Variants in SFRP4 observed in about 807,000 individuals in gnomAD.
SFRP4 encodes secreted frizzled related protein 4.
A neutral mutation model predicts 36.3 loss-of-function variants in SFRP4; 25 were observed. The ratio of observed to expected loss-of-function variants is 0.69; its 90% CI spans 0.50 to 0.96. The LOEUF (loss-of-function observed/expected upper bound fraction) is 0.96, where lower values mean the gene tolerates loss of function less well. SFRP4 is among the 40% of genes least tolerant of loss of function. The probability of loss-of-function intolerance (pLI) is 0.00; values close to 1 mark genes in which losing one functional copy is unlikely to be tolerated. For missense variants in SFRP4, 487 were observed against 459.6 expected (o/e 1.06, Z -0.54); for synonymous variants, 182 against 168.8 (o/e 1.08, Z -0.60).
At chr7:37,909,936 A>C in intron 4 of SFRP4, 1 of 248,504 alleles carries the variant, frequency 4.0e-6, no homozygotes, top group Admixed American at 5.5e-5. Flanking sequence ...TTTCTGATGT[A>C]ATTAGAGTAA....
rs747377478 is a variant in SFRP4 at position 37,916,525 on chromosome 7, T to G, written c.13A>C (p.Ile5Leu). 2 of 1,608,952 alleles carry G rather than the reference T, an allele frequency of 1.2e-6. No homozygotes were observed. Among genetic ancestry groups the G allele is most frequent in the South Asian group, 2.2e-5 (2 of 91,000 alleles). Residue 5 changes from isoleucine to leucine, a missense_variant, in exon 1 of 6, where the codon ATC becomes CTC. Coordinates refer to ENST00000436072, the MANE Select transcript of SFRP4 (RefSeq NM_003014.4). The surrounding 1 kb of genome is among the most constrained non-coding windows in gnomAD (Gnocchi z 4.1). MFLS[I>L]LVALCLWLHL... ...AGCCACAGGCACAGCGCCACTAGGATGGAGAGGAACATGGCACTGCCCTCT... is the reference window on the plus strand; with the variant it reads ...AGCCACAGGCACAGCGCCACTAGGAGGGAGAGGAACATGGCACTGCCCTCT...
rs774199837 is a variant in SFRP4 at position 37,916,545 on chromosome 7, C to A, written c.-8G>T. 6.3e-7 allele frequency: 1 copy of A among 1,597,850 alleles called. No individual in the cohort carries two copies. Among genetic ancestry groups the A allele is most frequent in the South Asian group, 1.1e-5 (1 of 90,828 alleles). On this transcript the variant is annotated 5_prime_UTR_variant, in exon 1 of 6. Coordinates refer to ENST00000436072, the MANE Select transcript of SFRP4 (RefSeq NM_003014.4). This position sits in a 1 kb window ranked among gnomAD's most constrained non-coding sequence, Gnocchi z 4.1. ...TAGGATGGAGAGGAACATGGCACTG[C>A]CCTCTCGCGCTGCGACCCCGGCAGA...
chr7:37,915,395 TG>T (rs1785557896), intron 1 of SFRP4, among the ~76,000 whole-genome samples: 1 of 152,226 alleles, frequency 6.6e-6, no homozygotes, highest in Non-Finnish European at 1.5e-5. Flanking sequence ...TGGGGTAACC[TG>T]GGCCAGATAA....
In SFRP4 at chr7:37,907,423, T is replaced by C. The variant is rs1583652760; in HGVS notation, c.*56A>G. 9.4e-6 allele frequency: 14 copies of C among 1,496,934 alleles called. No individual in the cohort carries two copies. In the East Asian group the frequency reaches 2.0e-4, roughly 22 times the overall value. The allele number at this position is 1,496,934 out of a possible 1,614,324, so 92.7% of individuals were successfully genotyped here. A position where few individuals can be genotyped will look rare whatever the true frequency, so the allele number is the denominator to read the frequency against. ...GCCTTACATAGGCTGTCCCAGGCAA[T>C]GCCCAGCCTCATCCTGTAAGGAAGT... is the stretch of plus-strand genomic sequence containing the variant. On this transcript the variant is annotated 3_prime_UTR_variant, in exon 6 of 6. Transcript: ENST00000436072.
Position 37,906,937 on chromosome 7 carries a change from C to T in SFRP4, c.*542G>A, listed in dbSNP as rs1048719394. 7.2e-5 allele frequency: 11 copies of T among 152,090 alleles called. No individual in the cohort carries two copies. Among genetic ancestry groups the T allele is most frequent in the African/African-American group, 2.7e-4 (11 of 41,422 alleles). 9.4% of individuals were successfully genotyped at this position (152,090 alleles called of 1,614,324 possible). On this transcript the variant is annotated 3_prime_UTR_variant, in exon 6 of 6. Transcript: ENST00000436072. ...TACTTCTCTAGATTTTTCAAAAAAT[C>T]CCCTTTCATCACAAAAATCCTTCTG... is the stretch of plus-strand genomic sequence containing the variant.
At chr7:37,909,730 G>T in intron 4 of SFRP4, 50 bp from the exon 5 acceptor site, 1 of 1,041,968 alleles carries the variant, frequency 9.6e-7, no homozygotes, top group Non-Finnish European at 1.5e-6. Context: ...AAAGTAAACA[G>T]CTAAAAATAC....
intron 4 of SFRP4, among the ~76,000 whole-genome samples, chr7:37,911,487 CA>C (rs201798095): frequency 1.3e-5 from 2 of 151,396 alleles, no homozygotes; most frequent in Admixed American, 6.6e-5. Context: ...TACCAATATC[CA>C]AAAAAAATAA....
At chr7:37,907,923 G>A (rs1003570406) in intron 5 of SFRP4, among the ~76,000 whole-genome samples, 1 of 152,098 alleles carries the variant, frequency 6.6e-6, no homozygotes, top group Admixed American at 6.6e-5. Context: ...CAGGAAACAA[G>A]CCCAAAGAGG....
chr7:37,906,918 T>C lies in SFRP4; in HGVS notation c.*561A>G, dbSNP rs562780561. 1 of 152,350 alleles carries C rather than the reference T, an allele frequency of 6.6e-6. No homozygotes were observed. Among genetic ancestry groups the C allele is most frequent in the African/African-American group, 2.4e-5 (1 of 41,592 alleles). 9.4% of individuals were successfully genotyped at this position (152,350 alleles called of 1,614,324 possible). A position where few individuals can be genotyped will look rare whatever the true frequency, so the allele number is the denominator to read the frequency against. ...ATTATAGTTTTCCATATGCTACTTCTCTAGATTTTTCAAAAAATCCCCTTT... is the reference window on the plus strand; with the variant it reads ...ATTATAGTTTTCCATATGCTACTTCCCTAGATTTTTCAAAAAATCCCCTTT... On this transcript the variant is annotated 3_prime_UTR_variant, in exon 6 of 6. Coordinates refer to ENST00000436072, the MANE Select transcript of SFRP4 (RefSeq NM_003014.4).
intron 4 of SFRP4, among the ~76,000 whole-genome samples, chr7:37,911,013 T>C (rs1785477719): frequency 6.6e-6 from 1 of 152,228 alleles, no homozygotes; most frequent in Non-Finnish European, 1.5e-5. Context: ...TATCCAAAAC[T>C]ATTTTTACTG....
intron 4 of SFRP4, among the ~76,000 whole-genome samples, chr7:37,911,220 T>C (rs1326268803): frequency 1.3e-5 from 2 of 152,180 alleles, no homozygotes; most frequent in Non-Finnish European, 2.9e-5. Flanking sequence ...GTGATATCCA[T>C]GTTGTAAGGA....
At position 37,912,362 on chromosome 7, in the gene SFRP4, A is replaced by G. The variant is rs758575275; in HGVS notation, c.593-45T>C. The G allele has an allele frequency of 3.3e-6, 5 of 1,495,704 alleles. No homozygotes were observed. The Admixed American group carries it at 5.1e-5, about 15-fold the overall frequency. 92.7% of individuals were successfully genotyped at this position (1,495,704 alleles called of 1,614,324 possible). A position where few individuals can be genotyped will look rare whatever the true frequency, so the allele number is the denominator to read the frequency against. On this transcript the variant is annotated intron_variant, in intron 3 of 5. Transcript: ENST00000436072. ...AAAAGTGTTGTTGAAGGTTTTGGGG[A>G]AAAACTAGGGATGGTGTATTCATGC...
rs369808742 is a variant in SFRP4, at chr7:37,916,492, C to A, written c.46G>T (p.Ala16Ser). The A allele has an allele frequency of 5.6e-6, 9 of 1,612,176 alleles. No homozygotes were observed. The African/African-American group carries it at 1.2e-4, about 22-fold the overall frequency. The stretch of plus-strand genomic sequence containing the variant: ...CAGGGCGCGCCGCGCACGCCCAGCG[C>A]CAGGTGCAGCCACAGGCACAGCGCC... Reference protein sequence around the residue: ...LVALCLWLHLALGVRGAPCEA... With the variant: ...LVALCLWLHLSLGVRGAPCEA... Residue 16 changes from alanine to serine, a missense_variant, in exon 1 of 6, where the codon GCG becomes TCG. By Grantham distance (99) the Ala-to-Ser change is moderately conservative. Transcript: ENST00000436072. The surrounding 1 kb of genome is among the most constrained non-coding windows in gnomAD (Gnocchi z 4.1).
intron 5 of SFRP4, 53 bp from the exon 6 acceptor site, chr7:37,907,717 G>T: frequency 7.3e-7 from 1 of 1,373,012 alleles, no homozygotes; most frequent in Non-Finnish European, 1.0e-6. Flanking sequence ...CCTTTATGGT[G>T]CTCAGCTAAT....
rs1451026944 is a variant in SFRP4 at position 37,906,678 on chromosome 7, A to C, written c.*801T>G. 2.0e-5 allele frequency: 3 copies of C among 152,220 alleles called. No individual in the cohort carries two copies. Among genetic ancestry groups the C allele is most frequent in the Non-Finnish European group, 4.4e-5 (3 of 68,030 alleles). 9.4% of individuals were successfully genotyped at this position (152,220 alleles called of 1,614,324 possible). A position where few individuals can be genotyped will look rare whatever the true frequency, so the allele number is the denominator to read the frequency against. On this transcript the variant is annotated 3_prime_UTR_variant, in exon 6 of 6. Coordinates refer to ENST00000436072, the MANE Select transcript of SFRP4 (RefSeq NM_003014.4). Reference sequence around the variant, plus strand: ...ATACTTGAGCATTAGCCAACTAATTAGTACCTAACTCCTAATGGTACAGAC... The same window carrying C: ...ATACTTGAGCATTAGCCAACTAATTCGTACCTAACTCCTAATGGTACAGAC...
intron 5 of SFRP4, among the ~76,000 whole-genome samples, chr7:37,908,687 G>A (rs2722325): frequency 0.42 from 63,304 of 151,896 alleles, 13,468 homozygotes; most frequent in East Asian, 0.55. Context: ...CTAATCTACT[G>A]TAGTCCTGGA....
intron 1 of SFRP4, among the ~76,000 whole-genome samples, chr7:37,915,607 A>C (rs1485582172): frequency 6.6e-6 from 1 of 152,192 alleles, no homozygotes; most frequent in East Asian, 1.9e-4. Flanking sequence ...TTCCAGGGAA[A>C]CTGCAATTAC....
At position 37,916,756 on chromosome 7, in the gene SFRP4, C is replaced by T; in HGVS notation, c.-219G>A. On this transcript the variant is annotated 5_prime_UTR_variant, in exon 1 of 6. Transcript: ENST00000436072. The surrounding 1 kb of genome is among the most constrained non-coding windows in gnomAD (Gnocchi z 4.1). ...GGCACGAGCAGCGCCAGCTCTCAGC[C>T]TTCGGGGCGCGAACCCGCCCGGGCA... 1.4e-6 allele frequency: 1 copy of T among 699,846 alleles called. No homozygotes were observed. The highest frequency in any genetic ancestry group is 2.3e-6 in the Non-Finnish European group (1 of 430,396). The allele number at this position is 699,846 out of a possible 1,614,324, so 43.4% of individuals were successfully genotyped here. A position where few individuals can be genotyped will look rare whatever the true frequency, so the allele number is the denominator to read the frequency against.
At chr7:37,914,896 A>G (rs1208191048) in intron 1 of SFRP4, among the ~76,000 whole-genome samples, 1 of 152,336 alleles carries the variant, frequency 6.6e-6, no homozygotes, top group East Asian at 1.9e-4. Flanking sequence ...AAATATTTAT[A>G]TAAGTAAAAA....
Sources: allele counts gnomAD v4.1 joint callset (sites outside exome capture counted in the v4.1 genomes callset), GRCh38; gene constraint gnomAD v4.1.1; non-coding constraint Gnocchi (gnomAD v3.1); transcripts MANE v1.5; gene names NCBI Gene and HGNC (gene_info 2026-07-23, HGNC 2026-07-21).